ENTREP2: variants seen among roughly 807,000 people sequenced by gnomAD.
ENTREP2 encodes the protein protein ENTREP2.
chr15:29,558,140 C>G, the ENTREP2 span, among the ~76,000 whole-genome samples: 1 of 152,168 alleles, frequency 6.6e-6, no homozygotes, highest in Non-Finnish European at 1.5e-5. Flanking sequence ...ATACTCCCCT[C>G]CCCAGAGATC....
At chr15:29,563,187 C>T in the ENTREP2 span, among the ~76,000 whole-genome samples, 1 of 152,094 alleles carries the variant, frequency 6.6e-6, no homozygotes, top group Non-Finnish European at 1.5e-5. Flanking sequence ...ACAATGTAAC[C>T]TTTCAAATCT....
At chr15:29,356,106 TAAAAC>T in the ENTREP2 span, among the ~76,000 whole-genome samples, 2 of 151,448 alleles carry the variant, frequency 1.3e-5, no homozygotes, top group African/African-American at 2.4e-5. Flanking sequence ...ACTCTATTCT[TAAAAC>T]AAGTGCATCT....
chr15:29,506,197 A>G, the ENTREP2 span, among the ~76,000 whole-genome samples: 10 of 152,310 alleles, frequency 6.6e-5, no homozygotes, highest in East Asian at 1.7e-3. Flanking sequence ...TAAAGTGTGA[A>G]GACAAGATTA....
At chr15:29,574,500 G>A in the ENTREP2 span, among the ~76,000 whole-genome samples, 7 of 152,090 alleles carry the variant, frequency 4.6e-5, no homozygotes, top group African/African-American at 1.7e-4. Context: ...CACCATGTTG[G>A]CCAGGATGGT....
the ENTREP2 span, among the ~76,000 whole-genome samples, chr15:29,477,454 A>G: frequency 6.6e-6 from 1 of 152,200 alleles, no homozygotes; most frequent in Non-Finnish European, 1.5e-5. Flanking sequence ...AACTGTTGCT[A>G]GGAGACAAAG....
the ENTREP2 span, among the ~76,000 whole-genome samples, chr15:29,296,416 T>C: frequency 6.6e-6 from 1 of 152,040 alleles, no homozygotes; most frequent in Non-Finnish European, 1.5e-5. Context: ...GAAGGCAGAA[T>C]TAGACCTATT....
the ENTREP2 span, among the ~76,000 whole-genome samples, chr15:29,381,338 T>C: frequency 6.6e-6 from 1 of 150,680 alleles, no homozygotes; most frequent in East Asian, 2.0e-4. Context: ...GCACCTGTAA[T>C]TCCAGCTATT....
chr15:29,322,372 T>G, the ENTREP2 span, among the ~76,000 whole-genome samples: 1 of 152,172 alleles, frequency 6.6e-6, no homozygotes, highest in African/African-American at 2.4e-5. Flanking sequence ...TCTCCTGAAC[T>G]TATCCCTTTT....
chr15:29,238,396 G>C, the ENTREP2 span, among the ~76,000 whole-genome samples: 1 of 152,132 alleles, frequency 6.6e-6, no homozygotes, highest in Non-Finnish European at 1.5e-5. Context: ...ACTTTGGGAG[G>C]CCGAGGTGGG....
At chr15:29,554,366 A>C in the ENTREP2 span, among the ~76,000 whole-genome samples, 1 of 147,474 alleles carries the variant, frequency 6.8e-6, no homozygotes. Context: ...AAGGAAGGAA[A>C]GGATGGAGGG....
the ENTREP2 span, among the ~76,000 whole-genome samples, chr15:29,649,699 A>G: frequency 2.0e-5 from 3 of 150,198 alleles, no homozygotes; most frequent in Non-Finnish European, 4.4e-5. Flanking sequence ...AGCCTGAGTG[A>G]CAGAGCAAGA....
the ENTREP2 span, among the ~76,000 whole-genome samples, chr15:29,619,123 T>A: frequency 6.6e-6 from 1 of 152,236 alleles, no homozygotes; most frequent in Non-Finnish European, 1.5e-5. Flanking sequence ...CTGGGCGCGG[T>A]GGCTCACGCC....
chr15:29,264,954 G>A, the ENTREP2 span: 1 of 152,120 alleles, frequency 6.6e-6, no homozygotes, highest in African/African-American at 2.4e-5. Flanking sequence ...AAAACTGTAT[G>A]TTATTACACC....
chr15:29,333,444 G>A, the ENTREP2 span, among the ~76,000 whole-genome samples: 1 of 152,028 alleles, frequency 6.6e-6, no homozygotes, highest in Non-Finnish European at 1.5e-5. Context: ...CTTGACACAG[G>A]CGCATCAGGG....
the ENTREP2 span, among the ~76,000 whole-genome samples, chr15:29,672,170 T>C: frequency 6.6e-6 from 1 of 151,932 alleles, no homozygotes; most frequent in Non-Finnish European, 1.5e-5. Context: ...TTATTTTTAG[T>C]AGAGAGGAGG....
the ENTREP2 span, among the ~76,000 whole-genome samples, chr15:29,179,726 G>T: frequency 6.7e-6 from 1 of 149,734 alleles, no homozygotes; most frequent in Non-Finnish European, 1.5e-5. Flanking sequence ...GACTACAGGC[G>T]CCCGCCATCA....
the ENTREP2 span, among the ~76,000 whole-genome samples, chr15:29,589,647 CAT>C: frequency 1.2e-4 from 19 of 152,242 alleles, no homozygotes; most frequent in Admixed American, 1.2e-3. Flanking sequence ...TAGATGCTAA[CAT>C]AGACTGCCTG....
chr15:29,568,761 A>G, the ENTREP2 span, among the ~76,000 whole-genome samples: 2 of 152,078 alleles, frequency 1.3e-5, no homozygotes, highest in Non-Finnish European at 2.9e-5. Flanking sequence ...GTTGAAGAGA[A>G]TAACACTGCA....
the ENTREP2 span, among the ~76,000 whole-genome samples, chr15:29,340,069 A>G: frequency 2.6e-5 from 4 of 152,370 alleles, no homozygotes; most frequent in East Asian, 5.8e-4. Flanking sequence ...TACACAGTTT[A>G]TCTTAAAGGC....
Sources: allele counts gnomAD v4.1 joint callset (sites outside exome capture counted in the v4.1 genomes callset), GRCh38; gene constraint gnomAD v4.1.1; transcripts MANE v1.5; gene names NCBI Gene and HGNC (gene_info 2026-07-23, HGNC 2026-07-21).